MACF1: variants seen among roughly 807,000 people sequenced by gnomAD.
The protein encoded by MACF1 is microtubule actin crosslinking factor 1.
MACF1 carries 193 observed loss-of-function variants against 854.8 expected under a neutral mutation model. The ratio of observed to expected loss-of-function variants is 0.23; its 90% CI spans 0.20 to 0.25. The LOEUF is 0.25. MACF1 is among the 10% of genes least tolerant of loss of function. The pLI is 1.00. For missense variants in MACF1, 7,722 were observed against 8,929.1 expected, an observed-to-expected ratio of 0.86 and a Z score of 5.45; for synonymous variants, 3,185 against 3,226.7, an observed-to-expected ratio of 0.99 and a Z score of 0.44.
chr1:39,328,369 A>G (rs1571342328), intron 36 of MACF1: 1 of 152,186 alleles, frequency 6.6e-6, no homozygotes, highest in East Asian at 1.9e-4. Context: ...TTGAAAGGTT[A>G]AAAAAGAGGG....
At chr1:39,301,535 C>A (rs995911637) in intron 22 of MACF1, among the ~76,000 whole-genome samples, 4 of 152,006 alleles carry the variant, frequency 2.6e-5, no homozygotes, top group African/African-American at 4.8e-5. Context: ...AAGTGATTAT[C>A]CTGCCTCAGC....
rs774416683 is a variant in MACF1 at position 39,481,030 on chromosome 1, G to A, written c.22281G>A (p.Glu7427=). Residue 7427 remains glutamate, a splice_region_variant and synonymous_variant, in exon 99 of 101, where the codon GAG becomes GAA. Transcript: ENST00000564288. ...HSPDLQLPTP[E]VIPSSGSKLK... ...CTGACCTCCAGCTGCCCACCCCCGA[G>A]GTAGAGTATGGCTTTGCTGACTGAG... The A allele has an allele frequency of 3.2e-6, 5 of 1,542,908 alleles. No individual in the cohort carries two copies. In the South Asian group the frequency reaches 6.0e-5, roughly 18 times the overall value.
At chr1:39,453,576 A>T in intron 87 of MACF1, 131 bp from the exon 88 acceptor site, 1 of 726,530 alleles carries the variant, frequency 1.4e-6, no homozygotes, top group Non-Finnish European at 2.3e-6. Context: ...ATAACTATAC[A>T]GGCTTTTAGA....
intron 2 of MACF1, among the ~76,000 whole-genome samples, chr1:39,193,791 GGA>G (rs147540075): frequency 4.7e-5 from 7 of 148,842 alleles, no homozygotes; most frequent in African/African-American, 4.9e-5. Flanking sequence ...AGAGAGAGAG[GGA>G]GAGAGAGAGA....
rs1355637831 is a variant in MACF1, at chr1:39,451,096, T to A, written c.20303T>A (p.Met6768Lys). The A allele has an allele frequency of 1.2e-6, 2 of 1,614,086 alleles. No individual in the cohort carries two copies. Among genetic ancestry groups the A allele is most frequent in the Admixed American group, 3.3e-5 (2 of 60,008 alleles). Residue 6768 changes from methionine (M) to lysine (K), a missense_variant, in exon 85 of 101, where the codon ATG becomes AAG. Around this residue, in one of 15 missense-constraint regions of MACF1, gnomAD observed 729 missense variants for 900.5 expected, o/e 0.81. Coordinates refer to ENST00000564288, the MANE Select transcript of MACF1 (RefSeq NM_001394062.1). ...GCCCTGCTCTTTTCGGGTCAGTTCA[T>A]GGATGCTTTGCAGGCATTGGTTGAC... Reference protein sequence around the residue: ...EEALLFSGQFMDALQALVDWL... With the variant: ...EEALLFSGQFKDALQALVDWL...
intron 2 of MACF1, among the ~76,000 whole-genome samples, chr1:39,235,333 G>A (rs1052610960): frequency 3.9e-5 from 6 of 152,216 alleles, no homozygotes; most frequent in African/African-American, 1.2e-4. Context: ...GCGAAACCCC[G>A]TCTCCACCAA....
In MACF1 at chr1:39,273,832, C is replaced by T. The variant is rs542035968; in HGVS notation, c.529-8376C>T. Among the ~76,000 whole-genome samples, 86 of 152,274 alleles carry T rather than the reference C, an allele frequency of 5.6e-4. 1 individual carries two copies. The highest frequency in any genetic ancestry group is 2.0e-3 in the African/African-American group (84 of 41,554). On this transcript the variant is annotated intron_variant, in intron 6 of 100. Transcript: ENST00000564288. ...GTCTCGATCTCCTGACCTCGTAATCCGCCCGCCTCGGCTTCCCAAAGTGCT... is the reference window on the plus strand; with the variant it reads ...GTCTCGATCTCCTGACCTCGTAATCTGCCCGCCTCGGCTTCCCAAAGTGCT...
At chr1:39,134,473 T>C (rs1188264662) in intron 2 of MACF1, among the ~76,000 whole-genome samples, 2 of 152,194 alleles carry the variant, frequency 1.3e-5, no homozygotes, top group Non-Finnish European at 2.9e-5. Flanking sequence ...CAGTTTTCTT[T>C]TATTTTGTTG....
chr1:39,158,055 G>T (rs1258282889), intron 2 of MACF1, among the ~76,000 whole-genome samples: 1 of 152,168 alleles, frequency 6.6e-6, no homozygotes, highest in Non-Finnish European at 1.5e-5. Context: ...GAAATTTCAG[G>T]ATTTTCCCCC....
rs1246270381 is a variant in MACF1 at position 39,303,589 on chromosome 1, T to G, written c.2789+511T>G. Among the ~76,000 whole-genome samples, 7 of 150,794 alleles carry G rather than the reference T, an allele frequency of 4.6e-5. No homozygotes were observed. The East Asian group carries it at 1.4e-3, about 29-fold the overall frequency. On this transcript the variant is annotated intron_variant, in intron 23 of 100. Coordinates refer to ENST00000564288, the MANE Select transcript of MACF1 (RefSeq NM_001394062.1). ...AGATTGGGCTGGGCACAGTGGCTCA[T>G]GTCTGTAATCCCAACACTTTGGGAG...
intron 51 of MACF1, 143 bp downstream of exon 51, chr1:39,370,329 C>T (rs1467453057): frequency 2.8e-6 from 2 of 701,976 alleles, no homozygotes; most frequent in Non-Finnish European, 4.5e-6. Flanking sequence ...ACGTTTTCTT[C>T]ATATGATAAC....
chr1:39,318,427 A>G (rs1259123055), intron 29 of MACF1, 26 bp from the exon 30 acceptor site: 1 of 1,607,164 alleles, frequency 6.2e-7, no homozygotes, highest in Non-Finnish European at 8.5e-7. Flanking sequence ...AAGGTATCTG[A>G]TAGCAGTTTC....
At chr1:39,359,650 A>G (rs1194121799) in intron 47 of MACF1, among the ~76,000 whole-genome samples, 3 of 152,084 alleles carry the variant, frequency 2.0e-5, no homozygotes, top group Non-Finnish European at 4.4e-5. Flanking sequence ...CCAAGAGTAT[A>G]TCATGGTGAC....
rs1193264273 is a variant in MACF1 at position 39,333,218 on chromosome 1, G to A, written c.6630G>A (p.Lys2210=). 3 of 1,612,586 alleles carry A rather than the reference G, an allele frequency of 1.9e-6. No homozygotes were observed. The highest frequency in any genetic ancestry group is 1.1e-5 in the South Asian group (1 of 90,618). The change falls in exon 37 of 101, where the codon AAG becomes AAA. Residue 2210 remains lysine, a synonymous_variant. Transcript: ENST00000564288. Reference sequence around the variant, plus strand: ...AGGTAAAGAAAACTCTAGGTATAAAGTTAGAACTAAAGTCTGAAACTGATG... The same window carrying A: ...AGGTAAAGAAAACTCTAGGTATAAAATTAGAACTAAAGTCTGAAACTGATG... ...QVQVKKTLGI[K]LELKSETDGN...
chr1:39,254,483 T>A, intron 5 of MACF1, 108 bp downstream of exon 5: 1 of 942,716 alleles, frequency 1.1e-6, no homozygotes, highest in Non-Finnish European at 1.7e-6. Flanking sequence ...ATGCTAAATC[T>A]GATTGACCCA....
Position 39,385,671 on chromosome 1 carries a change from T to G in MACF1, c.14086T>G (p.Ser4696Ala). ...TQYQELLQDL[S>A]EKVRAVGQRL... is the part of the protein sequence containing the mutation. The stretch of plus-strand genomic sequence containing the variant: ...GTACCAGGAACTGCTCCAGGACTTA[T>G]CAGAGAAGGTGAGGGCAGTTGGACA... The change falls in exon 57 of 101, where the codon TCA becomes GCA. Residue 4696 changes from serine to alanine, a missense_variant. By Grantham distance (99) the Ser-to-Ala change is moderately conservative (BLOSUM62 1). This residue lies in a region of MACF1 where 2,807 missense variants were observed against 3,235.8 expected (regional missense o/e 0.87). Transcript: ENST00000564288. 3 of 1,614,148 alleles carry G rather than the reference T, an allele frequency of 1.9e-6. No individual in the cohort carries two copies. Among genetic ancestry groups the G allele is most frequent in the Non-Finnish European group, 2.5e-6 (3 of 1,180,024 alleles).
chr1:39,130,504 G>A (rs994787357), intron 2 of MACF1, among the ~76,000 whole-genome samples: 5 of 152,150 alleles, frequency 3.3e-5, no homozygotes, highest in African/African-American at 1.2e-4. Context: ...CTCTGGCTCT[G>A]GGAAGTACTG....
chr1:39,456,159 C>T (rs894400532), intron 89 of MACF1, among the ~76,000 whole-genome samples: 2 of 152,162 alleles, frequency 1.3e-5, no homozygotes, highest in Non-Finnish European at 2.9e-5. Context: ...CATGGTGAAA[C>T]CCTATCTCTA....
rs539266155 is a variant in MACF1 at position 39,243,550 on chromosome 1, C to T, written c.172-6464C>T. ...CTGAGTAGCTGGGATTGTAGGCATG[C>T]ACCACCACACCTGGCTGACTTTTAA... is the stretch of plus-strand genomic sequence containing the variant. On this transcript the variant is annotated intron_variant, in intron 2 of 100. Transcript: ENST00000564288. 2.0e-5 allele frequency among the ~76,000 whole-genome samples: 3 copies of T among 152,242 alleles called. No individual in the cohort carries two copies. In the South Asian group the frequency reaches 6.2e-4, roughly 32 times the overall value.
Sources: gnomAD v4.1 joint callset for allele counts (sites outside exome capture counted in the v4.1 genomes callset) on GRCh38, gnomAD v4.1.1 for gene constraint, gnomAD v4.1.1 regional missense constraint, MANE v1.5 for transcripts, NCBI Gene and HGNC (gene_info 2026-07-23, HGNC 2026-07-21) for gene names.